Variants in XYLT1 observed in about 807,000 individuals in gnomAD.
XYLT1 encodes xylosyltransferase 1.
A neutral mutation model predicts 91.3 loss-of-function variants in XYLT1; 36 were observed. That is an observed-to-expected ratio of 0.39 (90% CI 0.30 to 0.52). The LOEUF (loss-of-function observed/expected upper bound fraction) is 0.52, where lower values mean the gene tolerates loss of function less well. Among genes scored for constraint, XYLT1 ranks in the 20% least tolerant of loss-of-function variants. The pLI, the probability that XYLT1 is intolerant of heterozygous loss-of-function variation, is 0.68. For synonymous variants in XYLT1, 588 were observed against 532.0 expected (o/e 1.11, Z -1.45); for missense variants, 1,242 against 1,284.5 (o/e 0.97, Z 0.51).
chr16:17,149,001 C>T (rs1338814780), intron 6 of XYLT1, among the ~76,000 whole-genome samples: 1 of 152,174 alleles, frequency 6.6e-6, no homozygotes, highest in East Asian at 1.9e-4. Flanking sequence ...ATATTTTTAC[C>T]TATTAGCACA....
intron 3 of XYLT1, among the ~76,000 whole-genome samples, chr16:17,211,104 C>T (rs775579187): frequency 3.9e-5 from 6 of 152,200 alleles, no homozygotes; most frequent in Non-Finnish European, 7.4e-5. Context: ...AAAATAAAGG[C>T]GAGTCTATTG....
chr16:17,335,586 C>T (rs2034967949), intron 2 of XYLT1, among the ~76,000 whole-genome samples: 1 of 151,368 alleles, frequency 6.6e-6, no homozygotes, highest in Non-Finnish European at 1.5e-5. Context: ...CACAGCTACT[C>T]AGGAGGGTGA....
chr16:17,447,564 G>C (rs2036608572), intron 1 of XYLT1, among the ~76,000 whole-genome samples: 3 of 152,160 alleles, frequency 2.0e-5, no homozygotes, highest in Admixed American at 2.0e-4. Flanking sequence ...AACTTGGCAG[G>C]GGCTCATATT....
chr16:17,447,853 T>C (rs967602380), intron 1 of XYLT1, among the ~76,000 whole-genome samples: 5 of 152,186 alleles, frequency 3.3e-5, no homozygotes, highest in African/African-American at 1.2e-4. Context: ...GTAAGAGTTT[T>C]AAAAAATGAG....
intron 1 of XYLT1, among the ~76,000 whole-genome samples, chr16:17,420,076 G>C (rs6498706): frequency 6.6e-6 from 1 of 151,990 alleles, no homozygotes; most frequent in African/African-American, 2.4e-5. Context: ...CTAATGGCTT[G>C]CTCTTTTGTC....
At chr16:17,372,187 C>G (rs574535343) in intron 1 of XYLT1, among the ~76,000 whole-genome samples, 1 of 152,292 alleles carries the variant, frequency 6.6e-6, no homozygotes, top group East Asian at 1.9e-4. Context: ...TAATTATTCA[C>G]GCAGGAGCAT....
At chr16:17,262,840 C>T (rs1044339271) in intron 2 of XYLT1, among the ~76,000 whole-genome samples, 2 of 152,148 alleles carry the variant, frequency 1.3e-5, no homozygotes, top group Non-Finnish European at 2.9e-5. Flanking sequence ...ATCTGTGTTA[C>T]TGTAGCATGG....
chr16:17,207,482 T>C (rs2032673168), intron 3 of XYLT1, among the ~76,000 whole-genome samples: 2 of 152,104 alleles, frequency 1.3e-5, no homozygotes, highest in Non-Finnish European at 2.9e-5. Flanking sequence ...GGGAGAGGCC[T>C]CAATGAATGA....
chr16:17,365,156 T>A (rs2035435668), intron 1 of XYLT1, among the ~76,000 whole-genome samples: 1 of 152,114 alleles, frequency 6.6e-6, no homozygotes, highest in Admixed American at 6.5e-5. Flanking sequence ...TCTCCCCACT[T>A]TGGTGAAGAG....
chr16:17,278,682 G>A lies in XYLT1; in HGVS notation c.403-19184C>T, dbSNP rs116047130. Among the ~76,000 whole-genome samples, 506 of 152,264 alleles carry A rather than the reference G, an allele frequency of 3.3e-3. 5 individuals are homozygous for A. Among genetic ancestry groups the A allele is most frequent in the African/African-American group, 0.012 (483 of 41,562 alleles). ...CTACTGTTTACCCAAGATTTTGCAC[G>A]ATTCTCTTGTTTCATCCTCCCATTT... On this transcript the variant is annotated intron_variant, in intron 2 of 11. Transcript: ENST00000261381.
At chr16:17,405,389 G>A (rs1036410103) in intron 1 of XYLT1, among the ~76,000 whole-genome samples, 9 of 152,308 alleles carry the variant, frequency 5.9e-5, no homozygotes, top group African/African-American at 2.2e-4. Flanking sequence ...ATCCGTGCTC[G>A]CAGCAGCCAA....
At chr16:17,138,189 T>C in intron 8 of XYLT1, 166 bp downstream of exon 8, 2 of 729,210 alleles carry the variant, frequency 2.7e-6, no homozygotes, top group Non-Finnish European at 4.3e-6. Context: ...AAGTAAGTGC[T>C]CAATAAACAC....
intron 2 of XYLT1, among the ~76,000 whole-genome samples, chr16:17,286,564 C>G (rs1334404234): frequency 6.6e-6 from 1 of 152,192 alleles, no homozygotes; most frequent in Non-Finnish European, 1.5e-5. Flanking sequence ...GTAAAACTGG[C>G]TTAGCTAATA....
chr16:17,178,555 C>A (rs1369844489), intron 5 of XYLT1, among the ~76,000 whole-genome samples: 1 of 152,132 alleles, frequency 6.6e-6, no homozygotes, highest in East Asian at 1.9e-4. Context: ...GTGTTCTGGG[C>A]AAGGCCACGA....
chr16:17,191,342 C>T (rs991104920), intron 5 of XYLT1, among the ~76,000 whole-genome samples: 3 of 152,202 alleles, frequency 2.0e-5, no homozygotes, highest in South Asian at 2.1e-4. Context: ...GTGATCTGTA[C>T]GCAGATGCAG....
intron 5 of XYLT1, among the ~76,000 whole-genome samples, chr16:17,180,427 C>G (rs1249546159): frequency 6.6e-6 from 1 of 152,100 alleles, no homozygotes; most frequent in South Asian, 2.1e-4. Flanking sequence ...CAGATTCCGG[C>G]ATCCTGAAGA....
At chr16:17,253,100 C>A (rs750698469) in intron 3 of XYLT1, among the ~76,000 whole-genome samples, 6 of 152,188 alleles carry the variant, frequency 3.9e-5, no homozygotes, top group Non-Finnish European at 7.3e-5. Flanking sequence ...GGAACACAAT[C>A]CCCGTATGGG....
chr16:17,354,568 G>A (rs1425761718), intron 2 of XYLT1: 1 of 152,242 alleles, frequency 6.6e-6, no homozygotes, highest in South Asian at 2.1e-4. Context: ...AGCTCTCAGT[G>A]AAATCTAACA....
chr16:17,138,271 CCTGCAGGTCTGGCCTTGGATTT>C, intron 8 of XYLT1, 62 bp downstream of exon 8: 1 of 1,517,486 alleles, frequency 6.6e-7, no homozygotes, highest in Non-Finnish European at 9.0e-7. Context: ...GATAAGATGA[CCTGCAGGTCTGGCCTTGGATTT>C]CTGCAGAGGT....
Sources: allele counts gnomAD v4.1 joint callset (sites outside exome capture counted in the v4.1 genomes callset), GRCh38; gene constraint gnomAD v4.1.1; transcripts MANE v1.5; gene names NCBI Gene and HGNC (gene_info 2026-07-23, HGNC 2026-07-21).